The following MB21D2 variants were observed in gnomAD, a reference collection of about 807,000 sequenced individuals.
MB21D2 encodes the protein nucleotidyltransferase MB21D2.
MB21D2 carries 9 observed loss-of-function variants against 33.3 expected under a neutral mutation model. That is an observed-to-expected ratio of 0.27 (90% CI 0.16 to 0.47). MB21D2 has a LOEUF of 0.47. Among genes scored for constraint, MB21D2 ranks in the 20% least tolerant of loss-of-function variants. The probability of loss-of-function intolerance (pLI) is 0.99; values close to 1 mark genes in which losing one functional copy is unlikely to be tolerated. For missense variants in MB21D2, 540 were observed against 624.6 expected, an observed-to-expected ratio of 0.86 and a Z score of 1.44; for synonymous variants, 241 against 236.3, an observed-to-expected ratio of 1.02 and a Z score of -0.18.
chr3:192,803,208 T>G (rs1711591598), intron 1 of MB21D2, among the ~76,000 whole-genome samples: 1 of 152,224 alleles, frequency 6.6e-6, no homozygotes. Flanking sequence ...ATATACACAC[T>G]AGAAAATTCC....
At chr3:192,915,755 T>C (rs930554188) in intron 1 of MB21D2, among the ~76,000 whole-genome samples, 1 of 152,198 alleles carries the variant, frequency 6.6e-6, no homozygotes, top group Non-Finnish European at 1.5e-5. Flanking sequence ...TGTATCAGCT[T>C]TGGAGTTAAG....
chr3:192,813,552 T>C (rs760470240), intron 1 of MB21D2, among the ~76,000 whole-genome samples: 23 of 152,134 alleles, frequency 1.5e-4, no homozygotes, highest in Non-Finnish European at 2.6e-4. Context: ...CGCTTTGCAG[T>C]TTCCAGAGAA....
At chr3:192,822,730 C>T (rs1712088319) in intron 1 of MB21D2, among the ~76,000 whole-genome samples, 1 of 152,152 alleles carries the variant, frequency 6.6e-6, no homozygotes, top group African/African-American at 2.4e-5. Flanking sequence ...CTGCACAGAC[C>T]CTTAGAACAT....
At chr3:192,900,451 G>C (rs1362736304) in intron 1 of MB21D2, among the ~76,000 whole-genome samples, 1 of 152,152 alleles carries the variant, frequency 6.6e-6, no homozygotes, top group Middle Eastern at 3.2e-3. Flanking sequence ...GCATTTAAAA[G>C]GGACAAGAAT....
chr3:192,909,966 A>AAAAG (rs1553863068), intron 1 of MB21D2, among the ~76,000 whole-genome samples: 2 of 132,228 alleles, frequency 1.5e-5, no homozygotes, highest in East Asian at 2.1e-4. Flanking sequence ...AAAAAAAAGA[A>AAAAG]AGAGAGAGAG....
At chr3:192,828,390 G>A (rs537595836) in intron 1 of MB21D2, among the ~76,000 whole-genome samples, 99 of 151,324 alleles carry the variant, frequency 6.5e-4, no homozygotes, top group African/African-American at 1.9e-3. Flanking sequence ...AATGGGACAG[G>A]AGGCCAAGGA....
At chr3:192,882,367 G>A (rs988397324) in intron 1 of MB21D2, among the ~76,000 whole-genome samples, 5 of 85,614 alleles carry the variant, frequency 5.8e-5, no homozygotes, top group African/African-American at 2.3e-4. Context: ...GAGCCACTGC[G>A]CCCCGCACAT....
At chr3:192,826,853 C>T (rs370701617) in intron 1 of MB21D2, among the ~76,000 whole-genome samples, 1 of 151,986 alleles carries the variant, frequency 6.6e-6, no homozygotes, top group Non-Finnish European at 1.5e-5. Context: ...TTGGCACTCA[C>T]TCAGCATCCC....
intron 1 of MB21D2, among the ~76,000 whole-genome samples, chr3:192,880,540 C>T (rs1713538007): frequency 6.6e-6 from 1 of 152,046 alleles, no homozygotes; most frequent in Non-Finnish European, 1.5e-5. Context: ...AGTGAGCCTT[C>T]ATACTCCAAC....
intron 1 of MB21D2, among the ~76,000 whole-genome samples, chr3:192,816,333 G>T (rs1711923712): frequency 6.6e-6 from 1 of 152,156 alleles, no homozygotes; most frequent in Admixed American, 6.5e-5. Flanking sequence ...ATGACATTTT[G>T]TACACAGACC....
Position 192,828,593 on chromosome 3 carries a change from TATATATATATATA to T in MB21D2, c.212-28956_212-28944del, listed in dbSNP as rs1712233017. Among the ~76,000 whole-genome samples the T allele has an allele frequency of 1.9e-3, 26 of 13,698 alleles. 1 individual carries two copies. Among genetic ancestry groups the T allele is most frequent in the Admixed American group, 6.0e-3 (8 of 1,338 alleles). The allele number at this position is 13,698 out of a possible 152,430, so 9.0% of individuals were successfully genotyped here. ...TATACAATAAAACTCACCCCCCCCA[TATATATATATATA>T]TATATATATATATATATATATATAT... On this transcript the variant is annotated intron_variant, in intron 1 of 1. Coordinates refer to ENST00000392452, the MANE Select transcript of MB21D2 (RefSeq NM_178496.4).
At chr3:192,861,768 G>T (rs1434433009) in intron 1 of MB21D2, among the ~76,000 whole-genome samples, 2 of 152,148 alleles carry the variant, frequency 1.3e-5, no homozygotes, top group Non-Finnish European at 2.9e-5. Flanking sequence ...TCACGCCATT[G>T]CACTCCAGCC....
chr3:192,880,269 C>T (rs140968845), intron 1 of MB21D2, among the ~76,000 whole-genome samples: 1,800 of 151,608 alleles, frequency 0.012, 54 homozygotes, highest in African/African-American at 0.042. Context: ...ATCGCTTGAA[C>T]CCAGGAGACG....
chr3:192,865,064 A>C (rs1713141557), intron 1 of MB21D2, among the ~76,000 whole-genome samples: 1 of 152,202 alleles, frequency 6.6e-6, no homozygotes, highest in African/African-American at 2.4e-5. Flanking sequence ...GCCTACAGAG[A>C]AGGGAGAGGC....
At chr3:192,848,264 C>A (rs1712715144) in intron 1 of MB21D2, among the ~76,000 whole-genome samples, 1 of 152,170 alleles carries the variant, frequency 6.6e-6, no homozygotes. Flanking sequence ...CTTTTTAATT[C>A]ATTCACCCAC....
rs1443718606 is a variant in MB21D2, at chr3:192,798,628, G to C, written c.1234C>G (p.Arg412Gly). ...SVRSDPAEHL[R>G]TAIEHVKAAN... is the part of the protein sequence containing the mutation. ...GCCTTGACATGCTCAATGGCGGTGC[G>C]CAAGTGCTCTGCCGGGTCTGAGCGC... The change falls in exon 2 of 2, where the codon CGC becomes GGC. Residue 412 changes from arginine to glycine, a missense_variant. Transcript: ENST00000392452. This position sits in a 1 kb window ranked among gnomAD's most constrained non-coding sequence, Gnocchi z 4.8. The C allele has an allele frequency of 6.2e-7, 1 of 1,613,862 alleles. No individual in the cohort carries two copies. Among genetic ancestry groups the C allele is most frequent in the Non-Finnish European group, 8.5e-7 (1 of 1,180,038 alleles).
intron 1 of MB21D2, among the ~76,000 whole-genome samples, chr3:192,809,402 C>T (rs1476373541): frequency 6.6e-6 from 1 of 152,006 alleles, no homozygotes; most frequent in Non-Finnish European, 1.5e-5. Context: ...GCCTAGTGTC[C>T]CCATTTTACA....
intron 1 of MB21D2, among the ~76,000 whole-genome samples, chr3:192,804,240 G>A (rs1371699970): frequency 6.6e-6 from 1 of 152,100 alleles, no homozygotes; most frequent in Non-Finnish European, 1.5e-5. Context: ...CCACTAAATT[G>A]AAACTGCAAA....
At chr3:192,855,465 T>C (rs1712896347) in intron 1 of MB21D2, among the ~76,000 whole-genome samples, 1 of 152,232 alleles carries the variant, frequency 6.6e-6, no homozygotes, top group Non-Finnish European at 1.5e-5. Context: ...TAATACAGTA[T>C]AGGGTAATGG....
Sources: allele counts gnomAD v4.1 joint callset (sites outside exome capture counted in the v4.1 genomes callset), GRCh38; gene constraint gnomAD v4.1.1; non-coding constraint Gnocchi (gnomAD v3.1); transcripts MANE v1.5; gene names NCBI Gene and HGNC (gene_info 2026-07-23, HGNC 2026-07-21).